Variants in SPAG16 observed in about 807,000 individuals in gnomAD.
SPAG16 encodes sperm associated antigen 16, also known as sperm-associated antigen 16 protein.
SPAG16 carries 86 observed loss-of-function variants against 80.4 expected under a neutral mutation model. The ratio of observed to expected loss-of-function variants is 1.07; its 90% CI spans 0.90 to 1.28. The LOEUF (loss-of-function observed/expected upper bound fraction) is 1.28, where lower values mean the gene tolerates loss of function less well. Among genes scored for constraint, SPAG16 ranks in the 50% most tolerant of loss-of-function variants. SPAG16 has a pLI of 0.00. For synonymous variants in SPAG16, 294 were observed against 265.9 expected, an observed-to-expected ratio of 1.11 and a Z score of -1.03; for missense variants, 870 against 765.3, an observed-to-expected ratio of 1.14 and a Z score of -1.61.
intron 15 of SPAG16, among the ~76,000 whole-genome samples, chr2:214,328,652 A>G (rs1696669787): frequency 6.6e-6 from 1 of 152,214 alleles, no homozygotes; most frequent in Non-Finnish European, 1.5e-5. Context: ...CTTTAAATCT[A>G]TTATTTTATA....
chr2:214,360,127 C>T (rs149050072), intron 15 of SPAG16, among the ~76,000 whole-genome samples: 511 of 151,874 alleles, frequency 3.4e-3, no homozygotes, highest in African/African-American at 0.011. Flanking sequence ...CAGGATATAA[C>T]GAATAATTAT....
intron 15 of SPAG16, among the ~76,000 whole-genome samples, chr2:214,300,056 C>T (rs1694437612): frequency 6.6e-6 from 1 of 152,036 alleles, no homozygotes; most frequent in African/African-American, 2.4e-5. Flanking sequence ...GGCAAAATAA[C>T]CGGTATCTCT....
intron 12 of SPAG16, among the ~76,000 whole-genome samples, chr2:213,992,000 G>A (rs1012495134): frequency 3.9e-5 from 6 of 151,930 alleles, no homozygotes; most frequent in African/African-American, 1.5e-4. Flanking sequence ...GACTTGTTTT[G>A]TGTCACATCG....
intron 15 of SPAG16, among the ~76,000 whole-genome samples, chr2:214,369,603 T>C (rs1699688495): frequency 2.0e-5 from 3 of 152,102 alleles, no homozygotes; most frequent in African/African-American, 7.2e-5. Flanking sequence ...ATGTTTTCTT[T>C]AGACATATGC....
intron 9 of SPAG16, among the ~76,000 whole-genome samples, chr2:213,403,551 G>A (rs551674345): frequency 9.4e-4 from 143 of 152,138 alleles, no homozygotes; most frequent in African/African-American, 3.1e-3. Flanking sequence ...TTGATGGGTC[G>A]TATCTCAAAA....
At chr2:214,312,682 G>A (rs1220050019) in intron 15 of SPAG16, among the ~76,000 whole-genome samples, 1 of 152,100 alleles carries the variant, frequency 6.6e-6, no homozygotes, top group Non-Finnish European at 1.5e-5. Context: ...ATCACCTTAT[G>A]TATGGGGAGC....
At chr2:213,829,849 C>T (rs1211346413) in intron 10 of SPAG16, among the ~76,000 whole-genome samples, 1 of 152,134 alleles carries the variant, frequency 6.6e-6, no homozygotes, top group Non-Finnish European at 1.5e-5. Flanking sequence ...AGTGCATTAT[C>T]CTACTGCGGC....
intron 10 of SPAG16, among the ~76,000 whole-genome samples, chr2:213,744,848 A>G (rs1263983847): frequency 6.6e-6 from 1 of 152,230 alleles, no homozygotes. Context: ...TACCACTTCC[A>G]TATTAACATT....
intron 10 of SPAG16, among the ~76,000 whole-genome samples, chr2:213,785,782 C>G (rs545410247): frequency 6.6e-6 from 1 of 151,934 alleles, no homozygotes; most frequent in Non-Finnish European, 1.5e-5. Context: ...TTTGGGAGGC[C>G]GAGGCGGGAG....
intron 12 of SPAG16, among the ~76,000 whole-genome samples, chr2:213,934,136 A>T (rs1195663061): frequency 3.9e-5 from 6 of 152,338 alleles, no homozygotes; most frequent in African/African-American, 1.2e-4. Flanking sequence ...CCTCTGGGGG[A>T]CAGCCATGGT....
intron 10 of SPAG16, among the ~76,000 whole-genome samples, chr2:213,492,408 G>T (rs1356232575): frequency 6.6e-6 from 1 of 151,968 alleles, no homozygotes; most frequent in Non-Finnish European, 1.5e-5. Flanking sequence ...AAATTAGCTG[G>T]GTGTGGTGGT....
chr2:213,770,621 C>T (rs2069190286), intron 10 of SPAG16, among the ~76,000 whole-genome samples: 1 of 152,028 alleles, frequency 6.6e-6, no homozygotes, highest in East Asian at 1.9e-4. Flanking sequence ...TCCCCTAACA[C>T]CCCCTTGACA....
chr2:213,667,247 A>G (rs2063641630), intron 10 of SPAG16, among the ~76,000 whole-genome samples: 2 of 152,350 alleles, frequency 1.3e-5, no homozygotes, highest in Non-Finnish European at 2.9e-5. Context: ...AAATAAAATA[A>G]TTAATGCAAT....
intron 14 of SPAG16, among the ~76,000 whole-genome samples, chr2:214,113,863 T>C (rs1424116394): frequency 6.6e-6 from 1 of 152,204 alleles, no homozygotes; most frequent in African/African-American, 2.4e-5. Context: ...CTTTGTTCCA[T>C]TGCTGGTGAG....
At chr2:213,930,867 C>A (rs1431223372) in intron 12 of SPAG16, among the ~76,000 whole-genome samples, 1 of 152,142 alleles carries the variant, frequency 6.6e-6, no homozygotes, top group Non-Finnish European at 1.5e-5. Context: ...TATCATCCAT[C>A]AAACTTTCTC....
At chr2:213,760,419 A>G (rs569881382) in intron 10 of SPAG16, among the ~76,000 whole-genome samples, 102 of 152,326 alleles carry the variant, frequency 6.7e-4, no homozygotes, top group African/African-American at 2.4e-3. Context: ...TCACTAAATT[A>G]TATGAAGAAA....
chr2:214,165,307 C>T (rs2056601479), intron 15 of SPAG16, among the ~76,000 whole-genome samples: 1 of 151,832 alleles, frequency 6.6e-6, no homozygotes, highest in African/African-American at 2.4e-5. Flanking sequence ...TTAGAAACCT[C>T]ATCTCAACGT....
chr2:213,809,639 G>C (rs1255685789), intron 10 of SPAG16, among the ~76,000 whole-genome samples: 3 of 152,160 alleles, frequency 2.0e-5, no homozygotes, highest in African/African-American at 7.2e-5. Flanking sequence ...AATGGGAGAG[G>C]TTGTGTGGGA....
intron 10 of SPAG16, among the ~76,000 whole-genome samples, chr2:213,515,348 G>A (rs1007340980): frequency 6.6e-6 from 1 of 152,114 alleles, no homozygotes; most frequent in Non-Finnish European, 1.5e-5. Context: ...ATGCGAGGAA[G>A]TCACATTGAT....
Sources: allele counts gnomAD v4.1 joint callset (sites outside exome capture counted in the v4.1 genomes callset), GRCh38; gene constraint gnomAD v4.1.1; transcripts MANE v1.5; gene names NCBI Gene and HGNC (gene_info 2026-07-23, HGNC 2026-07-21).